MRPS2: variants seen among roughly 807,000 people sequenced by gnomAD.
The protein encoded by MRPS2 is mitochondrial ribosomal protein S2.
MRPS2 carries 13 observed loss-of-function variants against 18.9 expected under a neutral mutation model. The observed-to-expected ratio is 0.69, with a 90% CI of 0.45 to 1.09. The LOEUF (loss-of-function observed/expected upper bound fraction) is 1.09. MRPS2 is among the 50% of genes least tolerant of loss of function. MRPS2 has a pLI of 0.00. For synonymous variants in MRPS2, 186 were observed against 178.4 expected (o/e 1.04, Z -0.34); for missense variants, 389 against 421.7 (o/e 0.92, Z 0.68).
chr9:135,501,262 C>T (rs1588367450), intron 2 of MRPS2, 139 bp downstream of exon 2: 1 of 1,430,756 alleles, frequency 7.0e-7, no homozygotes, highest in Non-Finnish European at 9.1e-7. Context: ...CTCCCGTGCT[C>T]GCCGCCGCTC....
At chr9:135,501,428 C>A in intron 2 of MRPS2, 2 of 1,120,262 alleles carry the variant, frequency 1.8e-6, no homozygotes, top group Non-Finnish European at 2.3e-6. Context: ...CCCAGGCGGG[C>A]CCAAGTGACC....
upstream of MRPS2, chr9:135,500,667 G>C (rs1831088381): frequency 1.4e-6 from 2 of 1,417,408 alleles, no homozygotes; most frequent in South Asian, 3.0e-5. Context: ...GAGGCCGCTC[G>C]GCCTGGCCTG....
intron 3 of MRPS2, chr9:135,503,020 G>A: frequency 2.4e-6 from 2 of 818,034 alleles, no homozygotes; most frequent in Non-Finnish European, 3.0e-6. Context: ...AGGCGGGGGT[G>A]TCTCCCATGC....
intron 1 of MRPS2, 107 bp downstream of exon 1, chr9:135,500,860 G>A: frequency 6.6e-7 from 1 of 1,513,054 alleles, no homozygotes; most frequent in Non-Finnish European, 8.9e-7. Context: ...CGGGGCGAGC[G>A]CGGAGGGGAC....
intron 3 of MRPS2, chr9:135,502,222 C>T: frequency 7.6e-7 from 1 of 1,315,442 alleles, no homozygotes; most frequent in Non-Finnish European, 9.8e-7. Flanking sequence ...GGTTGCAGGA[C>T]TCCACGGGTT....
At chr9:135,501,447 C>T in intron 2 of MRPS2, 1 of 1,015,092 alleles carries the variant, frequency 9.9e-7, no homozygotes, top group Non-Finnish European at 1.3e-6. Context: ...CCTGGGGGCA[C>T]TGGGCTTGGA....
chr9:135,501,321 G>A (rs1831125517), intron 2 of MRPS2, 198 bp downstream of exon 2: 1 of 1,419,330 alleles, frequency 7.0e-7, no homozygotes, highest in Non-Finnish European at 9.2e-7. Context: ...CCTCACCATG[G>A]ATAGGGTGAG....
intron 2 of MRPS2, 65 bp from the exon 3 acceptor site, chr9:135,501,779 T>A: frequency 6.3e-7 from 1 of 1,593,760 alleles, no homozygotes. Context: ...GGGCGGGAAC[T>A]GCGCTCTGCC....
At chr9:135,501,183 G>C in intron 2 of MRPS2, 60 bp downstream of exon 2, 1 of 1,514,732 alleles carries the variant, frequency 6.6e-7, no homozygotes. Context: ...AGCCGCGGGG[G>C]ATGCGAACCC....
At chr9:135,501,344 G>T in intron 2 of MRPS2, 1 of 1,403,252 alleles carries the variant, frequency 7.1e-7, no homozygotes, top group Non-Finnish European at 9.2e-7. Context: ...GGAGCGGGCG[G>T]GCCAGTGGTT....
In MRPS2 at chr9:135,503,206, C is replaced by T. The variant is rs75139894; in HGVS notation, c.300-336C>T. 0.063 allele frequency: 71,071 copies of T among 1,125,470 alleles called. 2,402 individuals are homozygous for T. Among genetic ancestry groups the T allele is most frequent in the South Asian group, 0.1 (3,523 of 34,358 alleles). The allele number at this position is 1,125,470 out of a possible 1,614,324, so 69.7% of individuals were successfully genotyped here. A position where few individuals can be genotyped will look rare whatever the true frequency, so the allele number is the denominator to read the frequency against. ...CTCGGGAAGAGGACAGTGACGGAGGCGGCTGCCCTGTGAGCTGCACGGGGC... is the reference window on the plus strand; with the variant it reads ...CTCGGGAAGAGGACAGTGACGGAGGTGGCTGCCCTGTGAGCTGCACGGGGC... On this transcript the variant is annotated intron_variant, in intron 3 of 3. Transcript: ENST00000241600.
chr9:135,501,130 C>A lies in MRPS2; in HGVS notation c.169+7C>A, dbSNP rs781097742. On this transcript the variant is annotated splice_region_variant and intron_variant, in intron 2 of 3. Coordinates refer to ENST00000241600, the MANE Select transcript of MRPS2 (RefSeq NM_016034.5). ...GAGTCGGAGGACAGCACCGGTAACA[C>A]TGGGCGCCCAGCCGAGTTGGGTGGG... is the stretch of plus-strand genomic sequence containing the variant. 2.5e-6 allele frequency: 4 copies of A among 1,582,880 alleles called. No homozygotes were observed. In the South Asian group the frequency reaches 3.4e-5, roughly 13 times the overall value.
In MRPS2 at chr9:135,504,018, G is replaced by A. The variant is rs372172970; in HGVS notation, c.776G>A (p.Arg259Gln). 26 of 1,613,342 alleles carry A rather than the reference G, an allele frequency of 1.6e-5. No individual in the cohort carries two copies. Among genetic ancestry groups the A allele is most frequent in the Middle Eastern group, 1.6e-4 (1 of 6,084 alleles). The change falls in exon 4 of 4, where the codon CGG (arginine) becomes CAG (glutamine). Residue 259 changes from arginine to glutamine, a missense_variant. Transcript: ENST00000241600. This position sits in a 1 kb window ranked among gnomAD's most constrained non-coding sequence, Gnocchi z 4.3. ...YCRLFQTAIT[R>Q]AKEKRQQVEA... ...AGGCTCTTCCAGACGGCCATCACCC[G>A]GGCCAAGGAGAAGCGGCAGCAGGTT...
rs1365755628 is a variant in MRPS2, at chr9:135,504,132, G to A, written c.890G>A (p.Ter297=). Reference sequence around the variant, plus strand: ...GGGGCTGACATGAGCCATTCCCTGTGATGTTCACTCTCCTCCCAAAGCAAA... The same window carrying A: ...GGGGCTGACATGAGCCATTCCCTGTAATGTTCACTCTCCTCCCAAAGCAAA... ...PPGADMSHSL[*] Residue 297 remains the stop codon, a stop_retained_variant, in exon 4 of 4, where the codon TGA becomes TAA. Transcript: ENST00000241600. This position sits in a 1 kb window ranked among gnomAD's most constrained non-coding sequence, Gnocchi z 4.3. 7 of 1,592,880 alleles carry A rather than the reference G, an allele frequency of 4.4e-6. No individual in the cohort carries two copies. The highest frequency in any genetic ancestry group is 5.1e-6 in the Non-Finnish European group (6 of 1,172,524).
Sources: allele counts gnomAD v4.1 joint callset, GRCh38; gene constraint gnomAD v4.1.1; non-coding constraint Gnocchi (gnomAD v3.1); transcripts MANE v1.5; gene names NCBI Gene and HGNC (gene_info 2026-07-23, HGNC 2026-07-21).